The following TUBB4A variants were observed in gnomAD, a reference collection of about 807,000 sequenced individuals.
TUBB4A encodes the protein tubulin beta-4A chain.
Under a neutral mutation model 35.1 loss-of-function variants are expected in TUBB4A, and 13 were observed. The ratio of observed to expected loss-of-function variants is 0.37; its 90% CI spans 0.24 to 0.59. The LOEUF is 0.59. Ranked by LOEUF, TUBB4A falls within the 20% of genes least tolerant of loss-of-function variation. The pLI, the probability that TUBB4A is intolerant of heterozygous loss-of-function variation, is 0.71. For synonymous variants in TUBB4A, 279 were observed against 272.4 expected, an observed-to-expected ratio of 1.02 and a Z score of -0.24; for missense variants, 299 against 647.2, an observed-to-expected ratio of 0.46 and a Z score of 5.84.
chr19:6,499,626 G>T (rs1035110781), intron 3 of TUBB4A, among the ~76,000 whole-genome samples: 1 of 152,170 alleles, frequency 6.6e-6, no homozygotes, highest in Non-Finnish European at 1.5e-5. Context: ...ATATGCTGTT[G>T]CCTCCGTCTT....
intron 3 of TUBB4A, 110 bp from the exon 4 acceptor site, chr19:6,496,331 C>G: frequency 9.3e-7 from 1 of 1,074,604 alleles, no homozygotes; most frequent in Admixed American, 2.7e-5. Flanking sequence ...TAGTAACTAT[C>G]AAAAATAATA....
Position 6,496,012 on chromosome 19 carries a change from T to G in TUBB4A, c.487A>C (p.Ile163Leu). 1 of 1,614,208 alleles carries G rather than the reference T, an allele frequency of 6.2e-7. No homozygotes were observed. The highest frequency in any genetic ancestry group is 1.1e-5 in the South Asian group (1 of 91,090). ...GGCACCACGCTGAAGGTGTTCATGA[T>G]GCGGTCTGGGAACTCCTCGCGGATC... ...SKIREEFPDR[I>L]MNTFSVVPSP... The change falls in exon 4 of 4, where the codon ATC becomes CTC. Residue 163 changes from isoleucine (I) to leucine (L), a missense_variant. Around this residue, in one of 5 missense-constraint regions of TUBB4A, gnomAD observed 123 missense variants for 226.0 expected, o/e 0.54. Coordinates refer to ENST00000264071, the MANE Select transcript of TUBB4A (RefSeq NM_006087.4).
chr19:6,494,987 G>T lies in TUBB4A; in HGVS notation c.*177C>A. On this transcript the variant is annotated 3_prime_UTR_variant, in exon 4 of 4. Coordinates refer to ENST00000264071, the MANE Select transcript of TUBB4A (RefSeq NM_006087.4). ...GTTAAAGATAAATTAGGGCTCAAAG[G>T]GGAGCCAGGGTCGGAGATGAAGTAG... 1.4e-6 allele frequency: 1 copy of T among 732,356 alleles called. No individual in the cohort carries two copies. The allele number at this position is 732,356 out of a possible 1,614,324, so 45.4% of individuals were successfully genotyped here. A position where few individuals can be genotyped will look rare whatever the true frequency, so the allele number is the denominator to read the frequency against.
chr19:6,502,093 G>C, intron 1 of TUBB4A, 63 bp downstream of exon 1: 1 of 1,494,940 alleles, frequency 6.7e-7, no homozygotes, highest in Non-Finnish European at 8.9e-7. Context: ...GGTGCTCCGG[G>C]GACCGACCCC....
Position 6,495,998 on chromosome 19 carries a change from G to A in TUBB4A, c.501C>T (p.Phe167=), listed in dbSNP as rs1204228379. 2 of 1,614,086 alleles carry A rather than the reference G, an allele frequency of 1.2e-6. No individual in the cohort carries two copies. The highest frequency in any genetic ancestry group is 1.7e-6 in the Non-Finnish European group (2 of 1,180,034). Residue 167 remains phenylalanine, a synonymous_variant, in exon 4 of 4, where the codon TTC becomes TTT. Coordinates refer to ENST00000264071, the MANE Select transcript of TUBB4A (RefSeq NM_006087.4). This position sits in a 1 kb window ranked among gnomAD's most constrained non-coding sequence, Gnocchi z 8.7. The stretch of plus-strand genomic sequence containing the variant: ...ACACTTTGGGCGAGGGCACCACGCT[G>A]AAGGTGTTCATGATGCGGTCTGGGA... ...EEFPDRIMNT[F]SVVPSPKVSD...
Position 6,495,231 on chromosome 19 carries a change from T to C in TUBB4A, c.1268A>G (p.Gln423Arg). Residue 423 changes from glutamine (Q) to arginine (R), a missense_variant, in exon 4 of 4, where the codon CAG becomes CGG. Gln to Arg is a conservative substitution (Grantham distance 43, BLOSUM62 1). Coordinates refer to ENST00000264071, the MANE Select transcript of TUBB4A (RefSeq NM_006087.4). The surrounding 1 kb of genome is among the most constrained non-coding windows in gnomAD (Gnocchi z 8.7). Reference sequence around the variant, plus strand: ...CTCGGCCGTGGCGTCCTGGTACTGCTGGTACTCAGATACCAGGTCATTCAT... The same window carrying C: ...CTCGGCCGTGGCGTCCTGGTACTGCCGGTACTCAGATACCAGGTCATTCAT... ...SNMNDLVSEYQQYQDATAEEG... is the reference protein window; with the variant it reads ...SNMNDLVSEYRQYQDATAEEG... 3 of 1,613,882 alleles carry C rather than the reference T, an allele frequency of 1.9e-6. No homozygotes were observed. The highest frequency in any genetic ancestry group is 2.5e-6 in the Non-Finnish European group (3 of 1,179,852).
At chr19:6,497,027 ATATATATATATATATATAT>A (rs1914270107) in intron 3 of TUBB4A, among the ~76,000 whole-genome samples, 7 of 15,966 alleles carry the variant, frequency 4.4e-4, no homozygotes, top group Admixed American at 1.0e-3. Flanking sequence ...AAAAAAAAAT[ATATATATATATATATATAT>A]ATATATATAT....
rs140515020 is a variant in TUBB4A, at chr19:6,495,054, G to A, written c.*110C>T. 2.1e-5 allele frequency: 28 copies of A among 1,327,324 alleles called. No individual in the cohort carries two copies. The East Asian group carries it at 4.6e-4, about 22-fold the overall frequency. The allele number at this position is 1,327,324 out of a possible 1,614,324, so 82.2% of individuals were successfully genotyped here. ...CTCCAAAGGTATTGTTAGGGTCAGC[G>A]GGGAGTCAGCCTTGGAGGGAAAGCG... On this transcript the variant is annotated 3_prime_UTR_variant, in exon 4 of 4. Coordinates refer to ENST00000264071, the MANE Select transcript of TUBB4A (RefSeq NM_006087.4). The surrounding 1 kb of genome is among the most constrained non-coding windows in gnomAD (Gnocchi z 8.7).
chr19:6,496,330 TC>T, intron 3 of TUBB4A, 109 bp from the exon 4 acceptor site: 1 of 1,071,990 alleles, frequency 9.3e-7, no homozygotes, highest in Non-Finnish European at 1.3e-6. Context: ...CTAGTAACTA[TC>T]AAAAATAATA....
rs1914054851 is a variant in TUBB4A, at chr19:6,495,045, A to C, written c.*119T>G. ...TAAAGCGAGCTCCAAAGGTATTGTT[A>C]GGGTCAGCGGGGAGTCAGCCTTGGA... On this transcript the variant is annotated 3_prime_UTR_variant, in exon 4 of 4. Coordinates refer to ENST00000264071, the MANE Select transcript of TUBB4A (RefSeq NM_006087.4). This position sits in a 1 kb window ranked among gnomAD's most constrained non-coding sequence, Gnocchi z 8.7. The C allele has an allele frequency of 3.7e-5, 45 of 1,209,956 alleles. No individual in the cohort carries two copies. The South Asian group carries it at 6.5e-4, about 17-fold the overall frequency. The allele number at this position is 1,209,956 out of a possible 1,614,324, so 75.0% of individuals were successfully genotyped here. A position where few individuals can be genotyped will look rare whatever the true frequency, so the allele number is the denominator to read the frequency against.
chr19:6,495,156 G>A lies in TUBB4A; in HGVS notation c.*8C>T, dbSNP rs1385657345. The A allele has an allele frequency of 1.9e-6, 3 of 1,612,964 alleles. No individual in the cohort carries two copies. Among genetic ancestry groups the A allele is most frequent in the Non-Finnish European group, 2.5e-6 (3 of 1,179,150 alleles). The stretch of plus-strand genomic sequence containing the variant: ...TCGAGGGGACAGGTGGGAAGCGATG[G>A]GAGCAGCCTAGGCCACCTCCTCCTC... On this transcript the variant is annotated 3_prime_UTR_variant, in exon 4 of 4. Transcript: ENST00000264071. This position sits in a 1 kb window ranked among gnomAD's most constrained non-coding sequence, Gnocchi z 8.7.
chr19:6,497,805 C>T (rs950427293), intron 3 of TUBB4A, among the ~76,000 whole-genome samples: 19 of 144,884 alleles, frequency 1.3e-4, no homozygotes, highest in Admixed American at 4.3e-4. Context: ...AGGTGGCGGG[C>T]GCCTGTAGTC....
At chr19:6,497,660 C>T (rs999287403) in intron 3 of TUBB4A, among the ~76,000 whole-genome samples, 6 of 152,040 alleles carry the variant, frequency 3.9e-5, no homozygotes, top group African/African-American at 1.2e-4. Flanking sequence ...ATTGGCCAGG[C>T]GCAGTGGCTC....
In TUBB4A at chr19:6,501,629, G is replaced by C. The variant is rs376509660; in HGVS notation, c.58-6C>G. 1.9e-6 allele frequency: 3 copies of C among 1,612,180 alleles called. No individual in the cohort carries two copies. The highest frequency in any genetic ancestry group is 2.5e-6 in the Non-Finnish European group (3 of 1,178,656). On this transcript the variant is annotated splice_region_variant and splice_polypyrimidine_tract_variant and intron_variant, in intron 1 of 3. Coordinates refer to ENST00000264071, the MANE Select transcript of TUBB4A (RefSeq NM_006087.4). The surrounding 1 kb of genome is among the most constrained non-coding windows in gnomAD (Gnocchi z 4.2). ...TCACTGATAACCTCCCAAAACTAGA[G>C]AGAGAGGTGGTCGGAAGAGTTGAGA...
intron 3 of TUBB4A, among the ~76,000 whole-genome samples, chr19:6,496,803 G>A (rs1201645012): frequency 2.7e-5 from 4 of 147,094 alleles, no homozygotes; most frequent in Non-Finnish European, 4.5e-5. Flanking sequence ...CCTGGGTGAC[G>A]GAGTGAGACT....
intron 3 of TUBB4A, 184 bp from the exon 4 acceptor site, chr19:6,496,405 G>A (rs1352164985): frequency 2.4e-5 from 14 of 578,316 alleles, no homozygotes; most frequent in Non-Finnish European, 3.3e-5. Flanking sequence ...CGAGGTGGGC[G>A]GATCACGAGG....
Position 6,501,623 on chromosome 19 carries a change from A to G in TUBB4A, c.58T>C (p.Phe20Leu). 6.2e-7 allele frequency: 1 copy of G among 1,612,678 alleles called. No homozygotes were observed. Among genetic ancestry groups the G allele is most frequent in the Non-Finnish European group, 8.5e-7 (1 of 1,179,028 alleles). The change falls in exon 2 of 4, where the codon TTT becomes CTT. Residue 20 changes from phenylalanine to leucine, a missense_variant and splice_region_variant. This residue lies in a region of TUBB4A where 123 missense variants were observed against 226.0 expected (regional missense o/e 0.54). Coordinates refer to ENST00000264071, the MANE Select transcript of TUBB4A (RefSeq NM_006087.4). The surrounding 1 kb of genome is among the most constrained non-coding windows in gnomAD (Gnocchi z 4.2). ...GQCGNQIGAK[F>L]WEVISDEHGI... ...TGTTCGTCACTGATAACCTCCCAAAACTAGAGAGAGAGGTGGTCGGAAGAG... is the reference window on the plus strand; with the variant it reads ...TGTTCGTCACTGATAACCTCCCAAAGCTAGAGAGAGAGGTGGTCGGAAGAG...
rs766118356 is a variant in TUBB4A at position 6,496,079 on chromosome 19, C to G, written c.420G>C (p.Gly140=). Residue 140 remains glycine, a synonymous_variant, in exon 4 of 4, where the codon GGG becomes GGC. Transcript: ENST00000264071. The stretch of plus-strand genomic sequence containing the variant: ...TGCCCATTCCGGACCCCGTGCCACC[C>G]CCCAGCGAGTGGGTCAGCTGGAAGC... ...LQGFQLTHSL[G]GGTGSGMGTL... 6.2e-7 allele frequency: 1 copy of G among 1,614,068 alleles called. No individual in the cohort carries two copies. Among genetic ancestry groups the G allele is most frequent in the Admixed American group, 1.7e-5 (1 of 59,984 alleles).
chr19:6,496,172 G>A lies in TUBB4A; in HGVS notation c.327C>T (p.Gly109=), dbSNP rs774127285. ...CCAGGACAGCGTCCACCAGCTCTGC[G>A]CCCTCCGTGTAGTGCCCCTTTGCCC... ...NNWAKGHYTE[G]AELVDAVLDV... The change falls in exon 4 of 4, where the codon GGC becomes GGT. Residue 109 remains glycine (G), a synonymous_variant. Coordinates refer to ENST00000264071, the MANE Select transcript of TUBB4A (RefSeq NM_006087.4). 1.7e-5 allele frequency: 28 copies of A among 1,613,998 alleles called. No homozygotes were observed. The highest frequency in any genetic ancestry group is 4.0e-5 in the African/African-American group (3 of 74,932).
Sources: allele counts gnomAD v4.1 joint callset (sites outside exome capture counted in the v4.1 genomes callset), GRCh38; gene constraint gnomAD v4.1.1; regional missense constraint gnomAD v4.1.1; non-coding constraint Gnocchi (gnomAD v3.1); transcripts MANE v1.5; gene names NCBI Gene and HGNC (gene_info 2026-07-23, HGNC 2026-07-21).